Variants in IKZF1 observed in about 807,000 individuals in gnomAD.
IKZF1 encodes IKAROS family zinc finger 1, also known as DNA-binding protein Ikaros.
In IKZF1, 10 loss-of-function variants were observed where a neutral mutation model predicts 51.7. The ratio of observed to expected loss-of-function variants is 0.19; its 90% confidence interval spans 0.12 to 0.33. IKZF1 has a LOEUF of 0.33. IKZF1 is among the 10% of genes least tolerant of loss of function. IKZF1 has a pLI of 1.00. For synonymous variants in IKZF1, 280 were observed against 282.3 expected, an observed-to-expected ratio of 0.99 and a Z score of 0.08; for missense variants, 484 against 707.5, an observed-to-expected ratio of 0.68 and a Z score of 3.58.
chr7:50,345,609 G>A (rs1428142999), intron 3 of IKZF1, among the ~76,000 whole-genome samples: 1 of 152,210 alleles, frequency 6.6e-6, no homozygotes, highest in Non-Finnish European at 1.5e-5. Flanking sequence ...CTAGGCAGAG[G>A]GGTGAACCAG....
rs111578227 is a variant in IKZF1, at chr7:50,353,264, TAGAG to T, written c.161-23260_161-23257del. ...CCAAAGCTTCCAGGGCACTTGCATT[TAGAG>T]AGAGAGAGCAAGCAAGCTGCCTTTC... On this transcript the variant is annotated intron_variant, in intron 3 of 7. Coordinates refer to ENST00000331340, the MANE Select transcript of IKZF1 (RefSeq NM_006060.6). 2.3e-3 allele frequency among the ~76,000 whole-genome samples: 355 copies of T among 152,216 alleles called. 4 individuals carry two copies. The highest frequency in any genetic ancestry group is 8.1e-3 in the African/African-American group (338 of 41,526).
intron 1 of IKZF1, among the ~76,000 whole-genome samples, chr7:50,315,221 A>G (rs1046104473): frequency 6.6e-6 from 1 of 152,250 alleles, no homozygotes; most frequent in Non-Finnish European, 1.5e-5. Flanking sequence ...AGACTGAGAG[A>G]GAGACAGTCT....
chr7:50,343,061 T>A (rs1038353749), intron 3 of IKZF1, among the ~76,000 whole-genome samples: 2 of 151,808 alleles, frequency 1.3e-5, no homozygotes, highest in Non-Finnish European at 2.9e-5. Context: ...TTCTTTTTAA[T>A]TTTCCTCCTT....
In IKZF1 at chr7:50,327,650, C is replaced by A. The variant is rs1397682553; in HGVS notation, c.53C>A (p.Pro18His). Residue 18 changes from proline (P) to histidine (H), a missense_variant, in exon 3 of 8, where the codon CCC becomes CAC. Pro to His is a moderately conservative substitution (Grantham distance 77). This residue lies in a region of IKZF1 where 118 missense variants were observed against 138.4 expected (regional missense o/e 0.85). Coordinates refer to ENST00000331340, the MANE Select transcript of IKZF1 (RefSeq NM_006060.6). Reference protein sequence around the residue: ...DMSQVSGKESPPVSDTPDEGD... With the variant: ...DMSQVSGKESHPVSDTPDEGD... ...TCTTTCTCATCAGGGAAGGAAAGCC[C>A]CCCTGTAAGCGATACTCCAGATGAG... The A allele has an allele frequency of 1.9e-6, 3 of 1,612,342 alleles. No individual in the cohort carries two copies. The highest frequency in any genetic ancestry group is 1.3e-5 in the African/African-American group (1 of 74,850).
chr7:50,376,510 G>A lies in IKZF1; in HGVS notation c.161-23G>A, dbSNP rs1328958337. On this transcript the variant is annotated intron_variant, in intron 3 of 7. Transcript: ENST00000331340. The surrounding 1 kb of genome is among the most constrained non-coding windows in gnomAD (Gnocchi z 4.5). Reference sequence around the variant, plus strand: ...TTTTTTTTTGCAATGACACTGAGTGGCCTCCTGTATTGTTTCTTTCAGCCA... The same window carrying A: ...TTTTTTTTTGCAATGACACTGAGTGACCTCCTGTATTGTTTCTTTCAGCCA... 6.2e-7 allele frequency: 1 copy of A among 1,608,724 alleles called. No individual in the cohort carries two copies. Among genetic ancestry groups the A allele is most frequent in the Non-Finnish European group, 8.5e-7 (1 of 1,176,480 alleles).
At chr7:50,350,415 G>A (rs967218000) in intron 3 of IKZF1, among the ~76,000 whole-genome samples, 2 of 152,184 alleles carry the variant, frequency 1.3e-5, no homozygotes, top group African/African-American at 4.8e-5. Context: ...GAGCCCATCT[G>A]GGAATTTAGT....
intron 2 of IKZF1, chr7:50,327,293 GA>G (rs1795259831): frequency 6.0e-6 from 1 of 167,380 alleles, no homozygotes; most frequent in African/African-American, 2.4e-5. Context: ...CCTGAGCATG[GA>G]AATATGTACA....
intron 3 of IKZF1, among the ~76,000 whole-genome samples, chr7:50,346,222 G>T (rs552866194): frequency 6.6e-6 from 1 of 152,294 alleles, no homozygotes; most frequent in South Asian, 2.1e-4. Flanking sequence ...CATACTGGAT[G>T]GAAGGCTGTC....
intron 2 of IKZF1, among the ~76,000 whole-genome samples, chr7:50,321,431 G>A (rs1793264780): frequency 6.6e-6 from 1 of 152,214 alleles, no homozygotes; most frequent in African/African-American, 2.4e-5. Context: ...ACTCATGGAA[G>A]AGGATCTCAT....
chr7:50,392,229 C>A (rs542184299), intron 7 of IKZF1, among the ~76,000 whole-genome samples: 3 of 152,300 alleles, frequency 2.0e-5, no homozygotes, highest in Non-Finnish European at 4.4e-5. Context: ...CTTCTCAGAG[C>A]TTCAGATCCT....
At chr7:50,372,906 C>G (rs1809133957) in intron 3 of IKZF1, among the ~76,000 whole-genome samples, 1 of 152,216 alleles carries the variant, frequency 6.6e-6, no homozygotes, top group African/African-American at 2.4e-5. Context: ...AAATTGGGCT[C>G]TTGTCCATTA....
At position 50,367,835 on chromosome 7, in the gene IKZF1, T is replaced by C. The variant is rs1373369153; in HGVS notation, c.161-8698T>C. 29 of 591,800 alleles carry C rather than the reference T, an allele frequency of 4.9e-5. No individual in the cohort carries two copies. The Admixed American group carries it at 7.0e-4, about 14-fold the overall frequency. The allele number at this position is 591,800 out of a possible 1,614,324, so 36.7% of individuals were successfully genotyped here. A position where few individuals can be genotyped will look rare whatever the true frequency, so the allele number is the denominator to read the frequency against. Reference sequence around the variant, plus strand: ...GGATTGTGGTCCTGTTCATGAGTAATTACTTTTCTGTTGCCTATAGAAGGG... The same window carrying C: ...GGATTGTGGTCCTGTTCATGAGTAACTACTTTTCTGTTGCCTATAGAAGGG... On this transcript the variant is annotated intron_variant, in intron 3 of 7. Coordinates refer to ENST00000331340, the MANE Select transcript of IKZF1 (RefSeq NM_006060.6).
chr7:50,362,238 A>G (rs1805468410), intron 3 of IKZF1, among the ~76,000 whole-genome samples: 1 of 152,182 alleles, frequency 6.6e-6, no homozygotes, highest in South Asian at 2.1e-4. Context: ...GAAGCAACCA[A>G]AACTGTCCCT....
At chr7:50,394,730 C>G (rs1260387381) in intron 7 of IKZF1, among the ~76,000 whole-genome samples, 4 of 152,154 alleles carry the variant, frequency 2.6e-5, no homozygotes, top group African/African-American at 9.7e-5. Context: ...CTTTATTGTT[C>G]TATAACCTAT....
rs572388995 is a variant in IKZF1 at position 50,375,597 on chromosome 7, G to A, written c.161-936G>A. ...AAATAACTCCTACTTTCTTTAGGAA[G>A]AAAAATATTCAAATGACATAATTAC... is the stretch of plus-strand genomic sequence containing the variant. On this transcript the variant is annotated intron_variant, in intron 3 of 7. Transcript: ENST00000331340. Among the ~76,000 whole-genome samples, 14 of 152,050 alleles carry A rather than the reference G, an allele frequency of 9.2e-5. No homozygotes were observed. In the South Asian group the frequency reaches 2.9e-3, roughly 32 times the overall value.
At chr7:50,306,046 T>C (rs1341287765) in intron 1 of IKZF1, among the ~76,000 whole-genome samples, 1 of 152,232 alleles carries the variant, frequency 6.6e-6, no homozygotes, top group Non-Finnish European at 1.5e-5. Context: ...GTATTATTTA[T>C]ATTAGAATGT....
intron 3 of IKZF1, among the ~76,000 whole-genome samples, chr7:50,347,303 C>A (rs374337198): frequency 2.0e-5 from 3 of 152,252 alleles, no homozygotes; most frequent in East Asian, 3.9e-4. Context: ...AGTTAGCATA[C>A]CTGAGCTGCA....
chr7:50,313,057 A>G (rs925189633), intron 1 of IKZF1, among the ~76,000 whole-genome samples: 1 of 152,254 alleles, frequency 6.6e-6, no homozygotes, highest in Non-Finnish European at 1.5e-5. Context: ...AATTGTTACG[A>G]AAACCTATAA....
rs892594542 is a variant in IKZF1, at chr7:50,334,548, C to A, written c.160+6791C>A. On this transcript the variant is annotated intron_variant, in intron 3 of 7. Coordinates refer to ENST00000331340, the MANE Select transcript of IKZF1 (RefSeq NM_006060.6). ...TGTATGTGTAGTGTATATGTGTATG[C>A]TGTGTATATGTATATGGGGTGTGTA... Among the ~76,000 whole-genome samples, 70 of 148,244 alleles carry A rather than the reference C, an allele frequency of 4.7e-4. No homozygotes were observed. The South Asian group carries it at 0.015, about 31-fold the overall frequency.
Sources: allele counts gnomAD v4.1 joint callset (sites outside exome capture counted in the v4.1 genomes callset), GRCh38; gene constraint gnomAD v4.1.1; regional missense constraint gnomAD v4.1.1; non-coding constraint Gnocchi (gnomAD v3.1); transcripts MANE v1.5; gene names NCBI Gene and HGNC (gene_info 2026-07-23, HGNC 2026-07-21).